CDH3: variants seen among roughly 807,000 people sequenced by gnomAD.
The protein encoded by CDH3 is cadherin 3, also known as cadherin-3.
CDH3 carries 54 observed loss-of-function variants against 82.0 expected under a neutral mutation model. The observed-to-expected ratio is 0.66, with a 90% CI of 0.53 to 0.83. The LOEUF is 0.83. Ranked by LOEUF, CDH3 falls within the 40% of genes least tolerant of loss-of-function variation. The probability of loss-of-function intolerance (pLI) is 0.00; values close to 1 mark genes in which losing one functional copy is unlikely to be tolerated. For synonymous variants in CDH3, 446 were observed against 437.9 expected (o/e 1.02, Z -0.23); for missense variants, 1,054 against 1,084.6 (o/e 0.97, Z 0.40).
intron 3 of CDH3, among the ~76,000 whole-genome samples, chr16:68,677,873 G>A (rs1403407579): frequency 1.3e-5 from 2 of 152,018 alleles, no homozygotes; most frequent in Non-Finnish European, 2.9e-5. Context: ...TCCTGTATAA[G>A]TAAACACCGA....
At chr16:68,674,093 G>A (rs565604981) in intron 2 of CDH3, among the ~76,000 whole-genome samples, 11 of 152,256 alleles carry the variant, frequency 7.2e-5, no homozygotes, top group Middle Eastern at 3.4e-3. Flanking sequence ...CATTTAACAC[G>A]TTGAGGAACT....
At chr16:68,718,669 G>A (rs1962122210) in intron 1 of CDH3, among the ~76,000 whole-genome samples, 1 of 151,984 alleles carries the variant, frequency 6.6e-6, no homozygotes, top group African/African-American at 2.4e-5. Flanking sequence ...GCAACAGAAT[G>A]AGACTCTGTC....
rs746315191 is a variant in CDH3 at position 68,645,355 on chromosome 16, C to T, written c.-25C>T. 2.5e-5 allele frequency: 40 copies of T among 1,611,704 alleles called. 1 individual carries two copies. In the East Asian group the frequency reaches 6.0e-4, roughly 24 times the overall value. ...GAACACCGGCCCGCCGTCGCGGCAG[C>T]TGCTTCACCCCTCTCTCTGCAGCCA... On this transcript the variant is annotated 5_prime_UTR_variant, in exon 1 of 16. Transcript: ENST00000264012.
At position 68,725,628 on chromosome 16, in the gene CDH3, C is replaced by T. The variant is rs569919015; in HGVS notation, c.*46-1525C>T. On this transcript the variant is annotated intron_variant, in intron 2 of 2. Transcript: ENST00000569080. ...GATTACAGGCGTGAGCCACCGCGCCCGGCCCTTCACCTAATTCTTGAAATC... is the reference window on the plus strand; with the variant it reads ...GATTACAGGCGTGAGCCACCGCGCCTGGCCCTTCACCTAATTCTTGAAATC... 2.6e-4 allele frequency among the ~76,000 whole-genome samples: 39 copies of T among 152,198 alleles called. 1 individual carries two copies. In the South Asian group the frequency reaches 7.1e-3, roughly 28 times the overall value.
chr16:68,715,759 C>T (rs1003436493), intron 1 of CDH3, among the ~76,000 whole-genome samples: 1 of 152,184 alleles, frequency 6.6e-6, no homozygotes, highest in African/African-American at 2.4e-5. Flanking sequence ...TCTGGAGTAG[C>T]GTAAGAAACA....
intron 13 of CDH3, among the ~76,000 whole-genome samples, chr16:68,695,002 TC>T (rs1961674418): frequency 6.6e-6 from 1 of 152,118 alleles, no homozygotes; most frequent in African/African-American, 2.4e-5. Context: ...CTGGGGGTAT[TC>T]AAGGAACACA....
intron 2 of CDH3, among the ~76,000 whole-genome samples, chr16:68,656,266 A>C (rs1020494900): frequency 6.6e-6 from 1 of 152,148 alleles, no homozygotes; most frequent in African/African-American, 2.4e-5. Context: ...GGGTCTCTGA[A>C]GTCTTCCCTG....
intron 1 of CDH3, among the ~76,000 whole-genome samples, chr16:68,711,166 C>T (rs573929592): frequency 1.2e-4 from 18 of 151,814 alleles, no homozygotes; most frequent in Admixed American, 5.9e-4. Flanking sequence ...CAAAACTAGC[C>T]GGGCATGGTG....
downstream of CDH3, among the ~76,000 whole-genome samples, chr16:68,729,578 AAGGGGCATAAC>A (rs1282745354): frequency 2.6e-5 from 4 of 152,308 alleles, no homozygotes; most frequent in African/African-American, 9.6e-5. Context: ...AAAGAGTCTT[AAGGGGCATAAC>A]AGACAAAAGT....
chr16:68,689,323 A>G (rs989395876), intron 12 of CDH3, among the ~76,000 whole-genome samples: 1 of 151,966 alleles, frequency 6.6e-6, no homozygotes, highest in South Asian at 2.1e-4. Context: ...CACGAGGTCA[A>G]GAGGTCAAGA....
Position 68,698,275 on chromosome 16 carries a change from G to C in CDH3, c.2365G>C (p.Ala789Pro). The stretch of plus-strand genomic sequence containing the variant: ...CGACTATGAGGGCAGCGGCTCCGAC[G>C]CCGCGTCCCTGAGCTCCCTCACCTC... ...VFDYEGSGSD[A>P]ASLSSLTSSA... Residue 789 changes from alanine to proline, a missense_variant, in exon 16 of 16, where the codon GCC becomes CCC. Ala to Pro is a conservative substitution (Grantham distance 27). Transcript: ENST00000264012. 1 of 1,614,232 alleles carries C rather than the reference G, an allele frequency of 6.2e-7. No homozygotes were observed. Among genetic ancestry groups the C allele is most frequent in the Non-Finnish European group, 8.5e-7 (1 of 1,180,044 alleles).
rs1229461550 is a variant in CDH3, at chr16:68,663,745, C to T, written c.161-12640C>T. Among the ~76,000 whole-genome samples, 3 of 151,978 alleles carry T rather than the reference C, an allele frequency of 2.0e-5. No individual in the cohort carries two copies. The South Asian group carries it at 6.3e-4, about 32-fold the overall frequency. On this transcript the variant is annotated intron_variant, in intron 2 of 15. Transcript: ENST00000264012. ...AAGGGAGAAATGGTCAAGGAAGAAG[C>T]AGCTGCTAGCTAAACCATATGCCAG...
intron 1 of CDH3, among the ~76,000 whole-genome samples, chr16:68,711,307 C>CAG (rs549679844): frequency 2.0e-5 from 3 of 146,550 alleles, no homozygotes; most frequent in Non-Finnish European, 4.5e-5. Flanking sequence ...GAAACTCCAG[C>CAG]AGAGAGAGAG....
At chr16:68,683,885 T>C (rs1027391889) in intron 9 of CDH3, among the ~76,000 whole-genome samples, 2 of 150,420 alleles carry the variant, frequency 1.3e-5, no homozygotes, top group Non-Finnish European at 3.0e-5. Flanking sequence ...CTGGCCATCG[T>C]GGTGAAACCC....
At chr16:68,708,022 T>C (rs1280695805) in intron 1 of CDH3, among the ~76,000 whole-genome samples, 1 of 152,046 alleles carries the variant, frequency 6.6e-6, no homozygotes, top group African/African-American at 2.4e-5. Flanking sequence ...AGGAAGACGA[T>C]GCCCACTAAT....
In CDH3 at chr16:68,698,286, G is replaced by A. The variant is rs761084275; in HGVS notation, c.2376G>A (p.Leu792=). The A allele has an allele frequency of 6.2e-7, 1 of 1,614,244 alleles. No homozygotes were observed. The highest frequency in any genetic ancestry group is 8.5e-7 in the Non-Finnish European group (1 of 1,180,042). The change falls in exon 16 of 16, where the codon CTG becomes CTA. Residue 792 remains leucine, a synonymous_variant. Coordinates refer to ENST00000264012, the MANE Select transcript of CDH3 (RefSeq NM_001793.6). ...YEGSGSDAAS[L]SSLTSSASDQ... ...GCAGCGGCTCCGACGCCGCGTCCCT[G>A]AGCTCCCTCACCTCCTCCGCCTCCG...
At position 68,698,527 on chromosome 16, in the gene CDH3, A is replaced by G. The variant is rs1961817370; in HGVS notation, c.*127A>G. The G allele has an allele frequency of 1.3e-6, 1 of 787,450 alleles. No homozygotes were observed. Among genetic ancestry groups the G allele is most frequent in the Non-Finnish European group, 2.1e-6 (1 of 469,628 alleles). The allele number at this position is 787,450 out of a possible 1,614,324, so 48.8% of individuals were successfully genotyped here. On this transcript the variant is annotated 3_prime_UTR_variant, in exon 16 of 16. Transcript: ENST00000264012. Reference sequence around the variant, plus strand: ...GTGGCCGTAGCAACTTGGCGGAGACAGGCTATGAGTCTGACGTTAGAGTGG... The same window carrying G: ...GTGGCCGTAGCAACTTGGCGGAGACGGGCTATGAGTCTGACGTTAGAGTGG...
At chr16:68,725,335 C>T (rs4783669) in intron 2 of CDH3, among the ~76,000 whole-genome samples, 55,880 of 151,470 alleles carry the variant, frequency 0.37, 11,327 homozygotes, top group East Asian at 0.48. Context: ...TTATTTCACC[C>T]AATTCTTTTT....
intron 2 of CDH3, among the ~76,000 whole-genome samples, chr16:68,658,955 G>T (rs926362099): frequency 1.3e-5 from 2 of 152,120 alleles, no homozygotes; most frequent in African/African-American, 2.4e-5. Flanking sequence ...CGGTTGGTTG[G>T]TTGGGATTTC....
Sources: allele counts gnomAD v4.1 joint callset (sites outside exome capture counted in the v4.1 genomes callset), GRCh38; gene constraint gnomAD v4.1.1; transcripts MANE v1.5; gene names NCBI Gene and HGNC (gene_info 2026-07-23, HGNC 2026-07-21).